NUMA1: variants seen among roughly 807,000 people sequenced by gnomAD.
The protein encoded by NUMA1 is nuclear mitotic apparatus protein 1, also known as SP-H antigen.
Under a neutral mutation model 237.1 loss-of-function variants are expected in NUMA1, and 62 were observed. That is an observed-to-expected ratio of 0.26 (90% CI 0.21 to 0.32). The LOEUF (loss-of-function observed/expected upper bound fraction) is 0.32, where lower values mean the gene tolerates loss of function less well. Ranked by LOEUF, NUMA1 falls within the 10% of genes least tolerant of loss-of-function variation. The probability of loss-of-function intolerance (pLI) is 1.00; values close to 1 mark genes in which losing one functional copy is unlikely to be tolerated. For synonymous variants in NUMA1, 1,028 were observed against 1,066.1 expected, an observed-to-expected ratio of 0.96 and a Z score of 0.70; for missense variants, 2,533 against 2,666.5, an observed-to-expected ratio of 0.95 and a Z score of 1.10.
chr11:72,003,123 C>T lies in NUMA1; in HGVS notation c.*404G>A, dbSNP rs1055253850. 3.7e-6 allele frequency: 1 copy of T among 272,804 alleles called. No homozygotes were observed. Among genetic ancestry groups the T allele is most frequent in the African/African-American group, 2.2e-5 (1 of 46,472 alleles). The allele number at this position is 272,804 out of a possible 1,614,324, so 16.9% of individuals were successfully genotyped here. ...TGGACTTCAAGAGTGAGGGCCCCTG[C>T]TGGGCCCAGCCACCAGGACAGCAGG... On this transcript the variant is annotated 3_prime_UTR_variant, in exon 27 of 27. Coordinates refer to ENST00000393695, the MANE Select transcript of NUMA1 (RefSeq NM_006185.4).
intron 20 of NUMA1, 135 bp downstream of exon 20, chr11:72,008,553 T>G (rs562700606): frequency 2.0e-6 from 2 of 994,566 alleles, no homozygotes; most frequent in South Asian, 2.9e-5. Context: ...AATAGATATC[T>G]GGTATAATAC....
In NUMA1 at chr11:72,014,836, T is replaced by C; in HGVS notation, c.2667A>G (p.Gln889=). ...ANLARALQQV[Q]EKEVRAQKLA... ...GCTTCTGGGCCCTGACTTCCTTCTC[T>C]TGGACCTGCTGGAGTGCTCTGGCCA... Residue 889 remains glutamine, a synonymous_variant, in exon 15 of 27, where the codon CAA becomes CAG. Transcript: ENST00000393695. This position sits in a 1 kb window ranked among gnomAD's most constrained non-coding sequence, Gnocchi z 4.6. 6.2e-7 allele frequency: 1 copy of C among 1,614,226 alleles called. No individual in the cohort carries two copies.
At chr11:72,027,622 G>A (rs1041724677) in intron 4 of NUMA1, among the ~76,000 whole-genome samples, 2 of 152,052 alleles carry the variant, frequency 1.3e-5, no homozygotes, top group Non-Finnish European at 2.9e-5. Context: ...GAGAGGAAAT[G>A]ACCCCCTGAT....
In NUMA1 at chr11:72,005,290, C is replaced by A; in HGVS notation, c.5772G>T (p.Gln1924His). The change falls in exon 23 of 27, where the codon CAG (glutamine) becomes CAT (histidine). Residue 1924 changes from glutamine to histidine, a missense_variant. By Grantham distance (24) the Gln-to-His change is conservative. This residue lies in a region of NUMA1 where 795 missense variants were observed against 750.8 expected (regional missense o/e 1.06). Transcript: ENST00000393695. ...LDDWNRIAEL[Q>H]QRNRVCPPHL... Reference sequence around the variant, plus strand: ...GTGGGGGGCACACTCGATTGCGCTGCTGCAGCTCTGCAATGCGGTTCCAGT... The same window carrying A: ...GTGGGGGGCACACTCGATTGCGCTGATGCAGCTCTGCAATGCGGTTCCAGT... 1 of 1,610,224 alleles carries A rather than the reference C, an allele frequency of 6.2e-7. No individual in the cohort carries two copies. Among genetic ancestry groups the A allele is most frequent in the Non-Finnish European group, 8.5e-7 (1 of 1,178,252 alleles).
intron 2 of NUMA1, among the ~76,000 whole-genome samples, chr11:72,045,544 T>C (rs1221954459): frequency 1.3e-5 from 2 of 152,200 alleles, no homozygotes; most frequent in Non-Finnish European, 2.9e-5. Flanking sequence ...AGTGGCACAA[T>C]CATGGCTCAC....
intron 2 of NUMA1, among the ~76,000 whole-genome samples, chr11:72,053,662 T>A (rs1280857691): frequency 2.0e-5 from 3 of 152,224 alleles, no homozygotes; most frequent in African/African-American, 2.4e-5. Flanking sequence ...AGAAGTAATG[T>A]ATGTCTGAAG....
chr11:72,010,341 T>C (rs140776080), intron 17 of NUMA1, among the ~76,000 whole-genome samples: 8 of 152,208 alleles, frequency 5.3e-5, no homozygotes, highest in Non-Finnish European at 4.4e-5. Context: ...CACTGTAATA[T>C]TCAACACTGG....
At chr11:72,059,827 A>G (rs1942847283) in intron 2 of NUMA1, among the ~76,000 whole-genome samples, 1 of 152,206 alleles carries the variant, frequency 6.6e-6, no homozygotes, top group Non-Finnish European at 1.5e-5. Context: ...CCAAATTACC[A>G]TCTAAAACTG....
At chr11:72,075,617 C>T (rs1311075400) in intron 1 of NUMA1, among the ~76,000 whole-genome samples, 2 of 152,300 alleles carry the variant, frequency 1.3e-5, no homozygotes, top group African/African-American at 4.8e-5. Context: ...CTTTGTTTTT[C>T]AGTCCTGGAT....
intron 10 of NUMA1, 82 bp from the exon 11 acceptor site, chr11:72,018,595 A>G: frequency 8.0e-7 from 1 of 1,254,184 alleles, no homozygotes; most frequent in Non-Finnish European, 1.2e-6. Context: ...TATGTGCACA[A>G]GGGGAAGGGA....
Position 72,018,171 on chromosome 11 carries a change from C to G in NUMA1, c.978+12G>C. On this transcript the variant is annotated intron_variant, in intron 12 of 26. Transcript: ENST00000393695. The stretch of plus-strand genomic sequence containing the variant: ...TGAGGGGCCTCCATGCACACACCAC[C>G]TTAACACCCACCTTAAAGGAAAGGT... 1 of 1,598,514 alleles carries G rather than the reference C, an allele frequency of 6.3e-7. No homozygotes were observed. The highest frequency in any genetic ancestry group is 1.3e-5 in the African/African-American group (1 of 74,742).
rs1942003415 is a variant in NUMA1 at position 72,046,454 on chromosome 11, G to C, written c.-32-10479C>G. On this transcript the variant is annotated intron_variant, in intron 2 of 26. Coordinates refer to ENST00000393695, the MANE Select transcript of NUMA1 (RefSeq NM_006185.4). ...AGCTATTCGGGAGGCTGAGGCAGGA[G>C]AATTGCTTGAATCCTGGAGGCGGAG... 1.3e-5 allele frequency among the ~76,000 whole-genome samples: 2 copies of C among 152,152 alleles called. 1 individual carries two copies. Among genetic ancestry groups the C allele is most frequent in the Non-Finnish European group, 2.9e-5 (2 of 68,026 alleles).
At position 72,015,403 on chromosome 11, in the gene NUMA1, G is replaced by A. The variant is rs765262618; in HGVS notation, c.2100C>T (p.Leu700=). The part of the protein sequence containing the change: ...KERVAQEKDQ[L]QEQLQALKES... Reference sequence around the variant, plus strand: ...CTTTGAGGGCCTGGAGCTGCTCCTGGAGCTGGTCCTTCTCCTGGGCCACCC... The same window carrying A: ...CTTTGAGGGCCTGGAGCTGCTCCTGAAGCTGGTCCTTCTCCTGGGCCACCC... The change falls in exon 15 of 27, where the codon CTC becomes CTT. Residue 700 remains leucine (L), a synonymous_variant. Coordinates refer to ENST00000393695, the MANE Select transcript of NUMA1 (RefSeq NM_006185.4). The surrounding 1 kb of genome is among the most constrained non-coding windows in gnomAD (Gnocchi z 4.0). 1 of 1,611,988 alleles carries A rather than the reference G, an allele frequency of 6.2e-7. No individual in the cohort carries two copies.
intron 1 of NUMA1, among the ~76,000 whole-genome samples, chr11:72,080,106 C>T (rs1350507949): frequency 6.6e-6 from 1 of 152,142 alleles, no homozygotes; most frequent in East Asian, 1.9e-4. Flanking sequence ...TACTGCACTA[C>T]CATAACTACT....
In NUMA1 at chr11:72,007,431, G is replaced by A; in HGVS notation, c.5221C>T (p.Leu1741=). 6.2e-7 allele frequency: 1 copy of A among 1,613,270 alleles called. No individual in the cohort carries two copies. Among genetic ancestry groups the A allele is most frequent in the East Asian group, 2.2e-5 (1 of 44,870 alleles). Residue 1741 remains leucine (L), a synonymous_variant, in exon 21 of 27, where the codon CTG becomes TTG. Transcript: ENST00000393695. ...GTGCCGTCTGGCTGGGTACGAGGCA[G>A]CTTGCTATGGAAAGGAAACCTGCTG... ...EGTPLSITSK[L]PRTQPDGTSV... is the part of the protein sequence containing the mutation.
Position 72,003,368 on chromosome 11 carries a change from AGGGACCAGGCCAGGGTGC to A in NUMA1, c.*141_*158del. The A allele has an allele frequency of 6.9e-6, 5 of 726,566 alleles. 1 individual carries two copies. The South Asian group carries it at 8.3e-5, about 12-fold the overall frequency. The allele number at this position is 726,566 out of a possible 1,614,324, so 45.0% of individuals were successfully genotyped here. A position where few individuals can be genotyped will look rare whatever the true frequency, so the allele number is the denominator to read the frequency against. On this transcript the variant is annotated 3_prime_UTR_variant, in exon 27 of 27. Coordinates refer to ENST00000393695, the MANE Select transcript of NUMA1 (RefSeq NM_006185.4). ...TCCGAGAAGGCGCCAGTGAAGGACC[AGGGACCAGGCCAGGGTGC>A]GGGCAGGCATCACTGTCTCTAGGGG... is the stretch of plus-strand genomic sequence containing the variant.
At chr11:72,011,324 C>G (rs1037642220) in intron 16 of NUMA1, among the ~76,000 whole-genome samples, 3 of 152,252 alleles carry the variant, frequency 2.0e-5, no homozygotes, top group Non-Finnish European at 4.4e-5. Flanking sequence ...TTCCCAACAT[C>G]CACAGGCCGT....
In NUMA1 at chr11:72,016,022, GCCC is replaced by G. The variant is rs1223977532; in HGVS notation, c.1478_1480del (p.Gly493del). The G allele has an allele frequency of 1.2e-6, 2 of 1,613,970 alleles. No homozygotes were observed. The highest frequency in any genetic ancestry group is 3.3e-5 in the Admixed American group (2 of 60,016). Reference sequence around the variant, plus strand: ...AGAGGCCACCTGGGCAGTCAACCGGGCCCCATGAGCCTGGGAGGCCTGCTCCAG... The same window carrying G: ...AGAGGCCACCTGGGCAGTCAACCGGGCATGAGCCTGGGAGGCCTGCTCCAG... On this transcript the variant is annotated inframe_deletion, in exon 15 of 27. Transcript: ENST00000393695.
chr11:72,043,185 A>AAG (rs1941794491), intron 2 of NUMA1, among the ~76,000 whole-genome samples: 1 of 152,024 alleles, frequency 6.6e-6, no homozygotes, highest in African/African-American at 2.4e-5. Context: ...ATGTCAGAAC[A>AAG]AGAGAGAAAA....
Sources: allele counts gnomAD v4.1 joint callset (sites outside exome capture counted in the v4.1 genomes callset), GRCh38; gene constraint gnomAD v4.1.1; regional missense constraint gnomAD v4.1.1; non-coding constraint Gnocchi (gnomAD v3.1); transcripts MANE v1.5; gene names NCBI Gene and HGNC (gene_info 2026-07-23, HGNC 2026-07-21).